SSBP2: variants seen among roughly 807,000 people sequenced by gnomAD.
SSBP2 encodes single stranded DNA binding protein 2.
SSBP2 carries 17 observed loss-of-function variants against 61.8 expected under a neutral mutation model. That is an observed-to-expected ratio of 0.28 (90% CI 0.19 to 0.41). The LOEUF (loss-of-function observed/expected upper bound fraction) is 0.41, where lower values mean the gene tolerates loss of function less well. Ranked by LOEUF, SSBP2 falls within the 10% of genes least tolerant of loss-of-function variation. SSBP2 has a pLI of 1.00. For missense variants in SSBP2, 310 were observed against 458.7 expected (o/e 0.68, Z 2.96); for synonymous variants, 139 against 141.3 (o/e 0.98, Z 0.12).
intron 1 of SSBP2, among the ~76,000 whole-genome samples, chr5:81,716,532 A>G (rs1029718185): frequency 6.6e-6 from 1 of 152,252 alleles, no homozygotes; most frequent in Non-Finnish European, 1.5e-5. Flanking sequence ...AATTTTTGCC[A>G]TACACACATA....
intron 6 of SSBP2, among the ~76,000 whole-genome samples, chr5:81,481,790 C>T (rs1425017913): frequency 6.6e-6 from 1 of 151,254 alleles, no homozygotes; most frequent in Non-Finnish European, 1.5e-5. Context: ...AGATGTGTTA[C>T]CAAGGAGTAG....
chr5:81,740,481 T>C (rs1756941330), intron 1 of SSBP2, among the ~76,000 whole-genome samples: 2 of 152,198 alleles, frequency 1.3e-5, no homozygotes, highest in South Asian at 2.1e-4. Context: ...TTTTTTCTAA[T>C]AGCCAGTATT....
chr5:81,647,137 G>A (rs986623557), intron 2 of SSBP2, among the ~76,000 whole-genome samples: 3 of 151,900 alleles, frequency 2.0e-5, no homozygotes, highest in Admixed American at 1.3e-4. Context: ...CTCTTCTTTA[G>A]TTTTGTTTTT....
intron 4 of SSBP2, among the ~76,000 whole-genome samples, chr5:81,557,506 A>G (rs1419657124): frequency 6.6e-6 from 1 of 152,122 alleles, no homozygotes; most frequent in Non-Finnish European, 1.5e-5. Context: ...GATACCCCAG[A>G]GCTCACTACT....
At chr5:81,641,472 A>C (rs974570561) in intron 2 of SSBP2, among the ~76,000 whole-genome samples, 6 of 152,246 alleles carry the variant, frequency 3.9e-5, no homozygotes, top group African/African-American at 1.4e-4. Context: ...TCCGTCCATC[A>C]TACTGAAGTT....
intron 2 of SSBP2, among the ~76,000 whole-genome samples, chr5:81,643,896 C>A (rs115973544): frequency 0.011 from 1,599 of 152,190 alleles, 23 homozygotes; most frequent in African/African-American, 0.036. Flanking sequence ...AGCCACCGCG[C>A]CTGGCCCAAA....
intron 4 of SSBP2, among the ~76,000 whole-genome samples, chr5:81,532,661 C>T (rs897063574): frequency 1.4e-4 from 22 of 151,748 alleles, no homozygotes; most frequent in South Asian, 6.2e-4. Context: ...CAAGAAACAA[C>T]TTTATGTATA....
intron 3 of SSBP2, among the ~76,000 whole-genome samples, chr5:81,636,047 C>A (rs901648724): frequency 2.6e-5 from 4 of 152,014 alleles, no homozygotes; most frequent in Admixed American, 2.6e-4. Flanking sequence ...TTTGGGAAAT[C>A]CTTAGGTTTA....
chr5:81,713,776 A>G (rs1754970238), intron 1 of SSBP2, among the ~76,000 whole-genome samples: 1 of 152,202 alleles, frequency 6.6e-6, no homozygotes, highest in Non-Finnish European at 1.5e-5. Context: ...AAGCAAACAA[A>G]CAAACAAACA....
chr5:81,461,329 T>G lies in SSBP2; in HGVS notation c.639-226A>C, dbSNP rs186185199. On this transcript the variant is annotated intron_variant, in intron 9 of 16. Transcript: ENST00000320672. ...TGAACTGCTTTTAGAAAGCCCAGTTTTATTTTAATATTAAATGGTTATTGT... is the reference window on the plus strand; with the variant it reads ...TGAACTGCTTTTAGAAAGCCCAGTTGTATTTTAATATTAAATGGTTATTGT... 1.3e-4 allele frequency among the ~76,000 whole-genome samples: 20 copies of G among 152,190 alleles called. No homozygotes were observed. The East Asian group carries it at 3.9e-3, about 29-fold the overall frequency.
At chr5:81,469,842 A>T (rs1315017529) in intron 8 of SSBP2, among the ~76,000 whole-genome samples, 2 of 152,024 alleles carry the variant, frequency 1.3e-5, no homozygotes, top group Non-Finnish European at 2.9e-5. Flanking sequence ...GACCTAATTT[A>T]GAATCACTGA....
chr5:81,706,185 C>T (rs365241), intron 1 of SSBP2, among the ~76,000 whole-genome samples: 84,387 of 151,964 alleles, frequency 0.56, 25,153 homozygotes, highest in African/African-American at 0.73. Flanking sequence ...TTTGCAGCAA[C>T]ATGGATGCAG....
intron 1 of SSBP2, among the ~76,000 whole-genome samples, chr5:81,711,511 T>A (rs1450351361): frequency 6.6e-6 from 1 of 152,102 alleles, no homozygotes; most frequent in Admixed American, 6.6e-5. Flanking sequence ...GAGAGAATTA[T>A]CAGAAATATA....
chr5:81,551,058 T>C (rs1772142502), intron 4 of SSBP2, among the ~76,000 whole-genome samples: 1 of 134,448 alleles, frequency 7.4e-6, no homozygotes, highest in South Asian at 2.3e-4. Flanking sequence ...ATCACACCAC[T>C]GCACTCCACC....
chr5:81,661,168 A>G (rs1750662698), intron 1 of SSBP2, among the ~76,000 whole-genome samples: 1 of 152,136 alleles, frequency 6.6e-6, no homozygotes, highest in Non-Finnish European at 1.5e-5. Context: ...GAACTTTAAA[A>G]AATTGTTTTT....
At chr5:81,439,732 C>T (rs190308257) in intron 14 of SSBP2, among the ~76,000 whole-genome samples, 130 of 141,186 alleles carry the variant, frequency 9.2e-4, no homozygotes, top group African/African-American at 3.2e-3. Flanking sequence ...AGTGCAGTGG[C>T]GCGATCTCGG....
At chr5:81,578,069 G>A (rs1270499608) in intron 4 of SSBP2, among the ~76,000 whole-genome samples, 1 of 151,924 alleles carries the variant, frequency 6.6e-6, no homozygotes, top group Admixed American at 6.6e-5. Flanking sequence ...GTTCAGCTGG[G>A]ATTTAAACCG....
At chr5:81,425,589 C>T (rs1276663462) in intron 16 of SSBP2, among the ~76,000 whole-genome samples, 1 of 152,142 alleles carries the variant, frequency 6.6e-6, no homozygotes, top group African/African-American at 2.4e-5. Flanking sequence ...ACTTTCTTCA[C>T]TTGAGAAGCA....
rs865965553 is a variant in SSBP2, at chr5:81,413,462, A to G, written c.*7042T>C. On this transcript the variant is annotated 3_prime_UTR_variant, in exon 17 of 17. Transcript: ENST00000320672. ...TTATAAAAACCTTACAAATACTTCT[A>G]TTTTTCCAGGAAGATATTATAGGTA... The G allele has an allele frequency of 1.3e-5, 2 of 152,210 alleles. No homozygotes were observed. The highest frequency in any genetic ancestry group is 2.9e-5 in the Non-Finnish European group (2 of 68,024). The allele number at this position is 152,210 out of a possible 1,614,324, so 9.4% of individuals were successfully genotyped here.
Sources: gnomAD v4.1 joint callset for allele counts (sites outside exome capture counted in the v4.1 genomes callset) on GRCh38, gnomAD v4.1.1 for gene constraint, MANE v1.5 for transcripts, NCBI Gene and HGNC (gene_info 2026-07-23, HGNC 2026-07-21) for gene names.